Variants in SEPHS1 observed in about 807,000 individuals in gnomAD.
The protein encoded by SEPHS1 is selenophosphate synthetase 1.
In SEPHS1, 7 loss-of-function variants were observed where a neutral mutation model predicts 39.2. That is an observed-to-expected ratio of 0.18 (90% CI 0.10 to 0.34). SEPHS1 has a LOEUF of 0.34. Among genes scored for constraint, SEPHS1 ranks in the 10% least tolerant of loss-of-function variants. The probability of loss-of-function intolerance (pLI) is 1.00; values close to 1 mark genes in which losing one functional copy is unlikely to be tolerated. For missense variants in SEPHS1, 253 were observed against 514.5 expected (o/e 0.49, Z 4.92); for synonymous variants, 190 against 195.5 (o/e 0.97, Z 0.23).
chr10:13,345,733 T>C (rs1460261365), intron 1 of SEPHS1, among the ~76,000 whole-genome samples: 1 of 152,026 alleles, frequency 6.6e-6, no homozygotes, highest in Non-Finnish European at 1.5e-5. Context: ...AAAAATTAGC[T>C]GGGCGTGGTG....
intron 7 of SEPHS1, among the ~76,000 whole-genome samples, chr10:13,327,843 GAACAA>G (rs1588537121): frequency 6.6e-6 from 1 of 152,120 alleles, no homozygotes; most frequent in Non-Finnish European, 1.5e-5. Context: ...GAACAATGGT[GAACAA>G]AACAAGTAAA....
chr10:13,336,234 C>A lies in SEPHS1; in HGVS notation c.405+9G>T, dbSNP rs1434446740. On this transcript the variant is annotated intron_variant, in intron 4 of 8. Coordinates refer to ENST00000327347, the MANE Select transcript of SEPHS1 (RefSeq NM_012247.5). ...CGGACCAGGCAGCAGCCGGGTAGCT[C>A]CTACTTACCCTGTCGGTCATTTTAT... 1 of 1,586,848 alleles carries A rather than the reference C, an allele frequency of 6.3e-7. No individual in the cohort carries two copies. The highest frequency in any genetic ancestry group is 8.7e-7 in the Non-Finnish European group (1 of 1,155,960).
intron 5 of SEPHS1, among the ~76,000 whole-genome samples, chr10:13,331,817 C>T (rs1478941940): frequency 6.6e-6 from 1 of 152,216 alleles, no homozygotes; most frequent in African/African-American, 2.4e-5. Flanking sequence ...AGTCATCAGG[C>T]AGACACAAAT....
chr10:13,329,794 GA>G lies in SEPHS1; in HGVS notation c.561-7del. On this transcript the variant is annotated splice_polypyrimidine_tract_variant and splice_region_variant and intron_variant, in intron 5 of 8. Transcript: ENST00000327347. ...CTGGCACTGCATTGTCTGGCCTGAA[GA>G]AAAGAAAAGGGCATGTTCTAGTCAA... The G allele has an allele frequency of 6.2e-7, 1 of 1,602,454 alleles. No homozygotes were observed. The highest frequency in any genetic ancestry group is 8.5e-7 in the Non-Finnish European group (1 of 1,174,528).
chr10:13,329,631 C>T, intron 6 of SEPHS1, 67 bp downstream of exon 6: 1 of 1,247,970 alleles, frequency 8.0e-7, no homozygotes, highest in Admixed American at 2.0e-5. Flanking sequence ...TTTCCCAAAT[C>T]CTCCAACAAA....
rs144013848 is a variant in SEPHS1 at position 13,320,673 on chromosome 10, G to A, written c.965-1317C>T. Among the ~76,000 whole-genome samples the A allele has an allele frequency of 9.8e-3, 1,486 of 151,824 alleles. 78 individuals are homozygous for A. The highest frequency in any genetic ancestry group is 0.084 in the Admixed American group (1,275 of 15,242). On this transcript the variant is annotated intron_variant, in intron 8 of 8. Transcript: ENST00000327347. ...AGCCTGGCCAACATGGTAAAACCTC[G>A]TCTCTAAATTAGCTGGGCATGATGG...
chr10:13,347,649 C>CCCGCCGCGCGCACGGGCCGCCGCCG (rs1051814214), intron 1 of SEPHS1, among the ~76,000 whole-genome samples: 20 of 146,912 alleles, frequency 1.4e-4, no homozygotes, highest in Non-Finnish European at 1.4e-4. Flanking sequence ...GCCGGCCGCT[C>CCCGCCGCGCGCACGGGCCGCCGCCG]CCGCCGCGCG....
intron 2 of SEPHS1, 108 bp downstream of exon 2, chr10:13,344,650 C>T (rs935977179): frequency 2.5e-6 from 2 of 803,622 alleles, no homozygotes; most frequent in African/African-American, 1.8e-5. Context: ...TCTATAAAAG[C>T]AAAAAAAGTA....
rs1833013994 is a variant in SEPHS1, at chr10:13,318,691, CA to C, written c.*450del. 5.6e-6 allele frequency: 1 copy of C among 179,692 alleles called. No homozygotes were observed. The highest frequency in any genetic ancestry group is 2.4e-5 in the African/African-American group (1 of 41,500). 11.1% of individuals were successfully genotyped at this position (179,692 alleles called of 1,614,324 possible). On this transcript the variant is annotated 3_prime_UTR_variant, in exon 9 of 9. Coordinates refer to ENST00000327347, the MANE Select transcript of SEPHS1 (RefSeq NM_012247.5). ...AACCCTCTTATGACTGGGATACCGT[CA>C]TGTGCCACTTACCAATGCTGTCTCT...
At position 13,327,144 on chromosome 10, in the gene SEPHS1, G is replaced by A. The variant is rs117281611; in HGVS notation, c.751+1207C>T. ...TAGTCCCAGCTACTGGGAAGGCTGA[G>A]GCAACAGAACTGCTTGAACCTGGTA... On this transcript the variant is annotated intron_variant, in intron 7 of 8. Coordinates refer to ENST00000327347, the MANE Select transcript of SEPHS1 (RefSeq NM_012247.5). 1.9e-4 allele frequency among the ~76,000 whole-genome samples: 29 copies of A among 149,356 alleles called. No individual in the cohort carries two copies. In the East Asian group the frequency reaches 5.7e-3, roughly 29 times the overall value.
rs1410721212 is a variant in SEPHS1, at chr10:13,344,865, G to C, written c.86C>G (p.Thr29Arg). Reference sequence around the variant, plus strand: ...GACATCTTGGGGCACTTTGCAGCCTGTGCCCTTCAGTTCAGTGAATCTGGT... The same window carrying C: ...GACATCTTGGGGCACTTTGCAGCCTCTGCCCTTCAGTTCAGTGAATCTGGT... Reference protein sequence around the residue: ...RLTRFTELKGTGCKVPQDVLQ... With the variant: ...RLTRFTELKGRGCKVPQDVLQ... The change falls in exon 2 of 9, where the codon ACA becomes AGA. Residue 29 changes from threonine to arginine, a missense_variant. By Grantham distance (71) the Thr-to-Arg change is moderately conservative. Transcript: ENST00000327347. 6.2e-7 allele frequency: 1 copy of C among 1,607,368 alleles called. No individual in the cohort carries two copies. Among genetic ancestry groups the C allele is most frequent in the Non-Finnish European group, 8.5e-7 (1 of 1,176,760 alleles).
In SEPHS1 at chr10:13,339,210, G is replaced by A. The variant is rs183220538; in HGVS notation, c.194-402C>T. ...GTTATCTTAAGTATAGTTATTGTGC[G>A]TACATCTTTACAGACATTATCGTAT... On this transcript the variant is annotated intron_variant, in intron 2 of 8. Coordinates refer to ENST00000327347, the MANE Select transcript of SEPHS1 (RefSeq NM_012247.5). Among the ~76,000 whole-genome samples the A allele has an allele frequency of 1.1e-3, 173 of 152,178 alleles. 1 individual carries two copies. Among genetic ancestry groups the A allele is most frequent in the Non-Finnish European group, 1.9e-3 (126 of 68,010 alleles).
In SEPHS1 at chr10:13,317,892, C is replaced by A. The variant is rs1299925320; in HGVS notation, c.*1250G>T. 1 of 152,186 alleles carries A rather than the reference C, an allele frequency of 6.6e-6. No homozygotes were observed. The highest frequency in any genetic ancestry group is 6.5e-5 in the Admixed American group (1 of 15,274). The allele number at this position is 152,186 out of a possible 1,614,324, so 9.4% of individuals were successfully genotyped here. A position where few individuals can be genotyped will look rare whatever the true frequency, so the allele number is the denominator to read the frequency against. On this transcript the variant is annotated 3_prime_UTR_variant, in exon 9 of 9. Coordinates refer to ENST00000327347, the MANE Select transcript of SEPHS1 (RefSeq NM_012247.5). The stretch of plus-strand genomic sequence containing the variant: ...CCTCCACTTTACATAACACAGAGAA[C>A]ACCTTTTTAGATTGCCTATTTATTC...
intron 4 of SEPHS1, among the ~76,000 whole-genome samples, chr10:13,335,415 C>T (rs1833597108): frequency 6.6e-6 from 1 of 152,158 alleles, no homozygotes; most frequent in South Asian, 2.1e-4. Context: ...CCTATAATCC[C>T]AGCACTTTGG....
At position 13,318,529 on chromosome 10, in the gene SEPHS1, T is replaced by G. The variant is rs1833010002; in HGVS notation, c.*613A>C. 1 of 152,650 alleles carries G rather than the reference T, an allele frequency of 6.6e-6. No individual in the cohort carries two copies. The highest frequency in any genetic ancestry group is 6.5e-5 in the Admixed American group (1 of 15,282). 9.5% of individuals were successfully genotyped at this position (152,650 alleles called of 1,614,324 possible). A position where few individuals can be genotyped will look rare whatever the true frequency, so the allele number is the denominator to read the frequency against. Reference sequence around the variant, plus strand: ...AAAAAAAGAAATAAGATTTCTTTTTTGTCTTCAAAGTGTTTTCCATGCAAT... The same window carrying G: ...AAAAAAAGAAATAAGATTTCTTTTTGGTCTTCAAAGTGTTTTCCATGCAAT... On this transcript the variant is annotated 3_prime_UTR_variant, in exon 9 of 9. Transcript: ENST00000327347.
intron 1 of SEPHS1, among the ~76,000 whole-genome samples, chr10:13,346,492 G>A (rs971220982): frequency 6.6e-6 from 1 of 152,202 alleles, no homozygotes; most frequent in Non-Finnish European, 1.5e-5. Flanking sequence ...GGTGGGAAAC[G>A]TAACAACTGA....
At chr10:13,320,785 G>A (rs536501022) in intron 8 of SEPHS1, among the ~76,000 whole-genome samples, 36 of 152,172 alleles carry the variant, frequency 2.4e-4, no homozygotes, top group African/African-American at 7.0e-4. Flanking sequence ...CTGAGATCGC[G>A]CCATTGCACT....
Position 13,344,894 on chromosome 10 carries a change from C to G in SEPHS1, c.57G>C (p.Arg19=), listed in dbSNP as rs761955015. 12 of 1,604,264 alleles carry G rather than the reference C, an allele frequency of 7.5e-6. No individual in the cohort carries two copies. Among genetic ancestry groups the G allele is most frequent in the Non-Finnish European group, 1.0e-5 (12 of 1,175,134 alleles). ...PESYELDKSF[R]LTRFTELKGT... is the part of the protein sequence containing the mutation. ...CCTTCAGTTCAGTGAATCTGGTTAG[C>G]CGGAAGCTTTTGTCCAATTCGTAAC... Residue 19 remains arginine, a synonymous_variant, in exon 2 of 9, where the codon CGG becomes CGC. Transcript: ENST00000327347.
chr10:13,347,016 G>A lies in SEPHS1; in HGVS notation c.-79+984C>T, dbSNP rs114870812. On this transcript the variant is annotated intron_variant, in intron 1 of 8. Coordinates refer to ENST00000327347, the MANE Select transcript of SEPHS1 (RefSeq NM_012247.5). ...TTTTGGAGGGCATGGGAAGGGGGAG[G>A]GGGTTCTGGGGGAAATGTGCAGTGA... is the stretch of plus-strand genomic sequence containing the variant. Among the ~76,000 whole-genome samples the A allele has an allele frequency of 9.2e-3, 1,406 of 152,242 alleles. 16 individuals are homozygous for A. The highest frequency in any genetic ancestry group is 0.032 in the African/African-American group (1,340 of 41,544).
Sources: allele counts gnomAD v4.1 joint callset (sites outside exome capture counted in the v4.1 genomes callset), GRCh38; gene constraint gnomAD v4.1.1; transcripts MANE v1.5; gene names NCBI Gene and HGNC (gene_info 2026-07-23, HGNC 2026-07-21).